ATG3: variants seen among roughly 807,000 people sequenced by gnomAD.
The protein encoded by ATG3 is autophagy related 3, also known as ubiquitin-like-conjugating enzyme ATG3.
Under a neutral mutation model 50.7 loss-of-function variants are expected in ATG3, and 25 were observed. The observed-to-expected ratio is 0.49, with a 90% confidence interval of 0.36 to 0.69. ATG3 has a LOEUF of 0.69. ATG3 is among the 30% of genes least tolerant of loss of function. The pLI is 0.00. For missense variants in ATG3, 281 were observed against 376.0 expected, an observed-to-expected ratio of 0.75 and a Z score of 2.09; for synonymous variants, 119 against 125.5, an observed-to-expected ratio of 0.95 and a Z score of 0.34.
Position 112,536,471 on chromosome 3 carries a change from A to C in ATG3, c.794+4T>G. On this transcript the variant is annotated splice_donor_region_variant and intron_variant, in intron 10 of 11. Transcript: ENST00000283290. Reference sequence around the variant, plus strand: ...AAAATATATTTATCTCTACATATACAGACCTGCATGGGTGAACTGAACACA... The same window carrying C: ...AAAATATATTTATCTCTACATATACCGACCTGCATGGGTGAACTGAACACA... The C allele has an allele frequency of 6.2e-7, 1 of 1,612,754 alleles. No individual in the cohort carries two copies. Among genetic ancestry groups the C allele is most frequent in the East Asian group, 2.2e-5 (1 of 44,880 alleles).
chr3:112,561,867 C>T lies in ATG3; in HGVS notation c.-339G>A. The T allele has an allele frequency of 3.3e-6, 1 of 298,646 alleles. No homozygotes were observed. Among genetic ancestry groups the T allele is most frequent in the Non-Finnish European group, 6.3e-6 (1 of 159,506 alleles). 18.5% of individuals were successfully genotyped at this position (298,646 alleles called of 1,614,324 possible). A position where few individuals can be genotyped will look rare whatever the true frequency, so the allele number is the denominator to read the frequency against. On this transcript the variant is annotated 5_prime_UTR_variant, in exon 1 of 12. Transcript: ENST00000283290. ...GCACCCCTCGCCCTCTGCGAGCTGT[C>T]TGTCCTCGCTTTGCTTCACTCGCGC...
chr3:112,552,253 T>C (rs1024023158), intron 3 of ATG3, among the ~76,000 whole-genome samples: 4 of 152,174 alleles, frequency 2.6e-5, no homozygotes, highest in South Asian at 2.1e-4. Context: ...TCTGCCAATA[T>C]TGGGATCATT....
In ATG3 at chr3:112,534,253, A is replaced by G; in HGVS notation, c.863+16T>C. The G allele has an allele frequency of 2.5e-6, 4 of 1,597,462 alleles. No homozygotes were observed. The highest frequency in any genetic ancestry group is 2.6e-6 in the Non-Finnish European group (3 of 1,172,976). On this transcript the variant is annotated intron_variant, in intron 11 of 11. Coordinates refer to ENST00000283290, the MANE Select transcript of ATG3 (RefSeq NM_022488.5). ...ACAGCCATTTTGCCACTAATCTTAC[A>G]TACAGGGAAGGATACATATGAACTC...
intron 10 of ATG3, 154 bp downstream of exon 10, chr3:112,536,321 C>G (rs1183818249): frequency 2.4e-6 from 2 of 827,934 alleles, no homozygotes; most frequent in Non-Finnish European, 3.6e-6. Flanking sequence ...TATATTTAAG[C>G]ACAAGAAAAT....
intron 1 of ATG3, among the ~76,000 whole-genome samples, chr3:112,560,029 A>G (rs570610500): frequency 6.6e-6 from 1 of 152,166 alleles, no homozygotes. Context: ...TTTCCTTTTT[A>G]CTAAAGACAT....
In ATG3 at chr3:112,544,042, C is replaced by T. The variant is rs778898831; in HGVS notation, c.393+15G>A. 1 of 1,555,956 alleles carries T rather than the reference C, an allele frequency of 6.4e-7. No homozygotes were observed. Among genetic ancestry groups the T allele is most frequent in the Non-Finnish European group, 8.9e-7 (1 of 1,129,524 alleles). ...CTACTCATTAAATTTAAAAATATAACTAATTAACCAGTACCTTATTTTCCA... is the reference window on the plus strand; with the variant it reads ...CTACTCATTAAATTTAAAAATATAATTAATTAACCAGTACCTTATTTTCCA... On this transcript the variant is annotated intron_variant, in intron 6 of 11. Transcript: ENST00000283290.
chr3:112,550,285 C>T, intron 3 of ATG3, 23 bp from the exon 4 acceptor site: 1 of 1,557,688 alleles, frequency 6.4e-7, no homozygotes, highest in South Asian at 1.1e-5. Context: ...TGAAAAGCAC[C>T]AAAATACAAA....
intron 2 of ATG3, among the ~76,000 whole-genome samples, chr3:112,557,582 T>C (rs537165358): frequency 5.8e-4 from 88 of 152,116 alleles, no homozygotes; most frequent in African/African-American, 2.0e-3. Flanking sequence ...CGCGCCACTG[T>C]GCTCCAGCCT....
intron 3 of ATG3, among the ~76,000 whole-genome samples, chr3:112,552,020 GTATTAAAA>G (rs1280075983): frequency 6.6e-6 from 1 of 152,146 alleles, no homozygotes; most frequent in Non-Finnish European, 1.5e-5. Flanking sequence ...GACACGGTAA[GTATTAAAA>G]TGCAGGAGAA....
chr3:112,548,755 A>G, intron 4 of ATG3, 115 bp from the exon 5 acceptor site: 1 of 788,774 alleles, frequency 1.3e-6, no homozygotes, highest in Non-Finnish European at 2.1e-6. Flanking sequence ...CAAAGTACTA[A>G]GTGAATATTT....
Position 112,561,503 on chromosome 3 carries a change from T to C in ATG3, c.26A>G (p.Lys9Arg). MQNVINTV[K>R]GKALEVAEYL... The stretch of plus-strand genomic sequence containing the variant: ...CTCAGCCACTTCCAGTGCCTTTCCC[T>C]TCACAGTATTAATCACATTCTGCAT... The change falls in exon 1 of 12, where the codon AAG (lysine) becomes AGG (arginine). Residue 9 changes from lysine to arginine, a missense_variant. This residue lies in a region of ATG3 where 22 missense variants were observed against 22.7 expected (regional missense o/e 0.97). Coordinates refer to ENST00000283290, the MANE Select transcript of ATG3 (RefSeq NM_022488.5). The C allele has an allele frequency of 6.2e-7, 1 of 1,612,556 alleles. No individual in the cohort carries two copies.
intron 6 of ATG3, among the ~76,000 whole-genome samples, chr3:112,542,703 T>A (rs1019767946): frequency 5.9e-5 from 9 of 152,076 alleles, no homozygotes; most frequent in Non-Finnish European, 1.3e-4. Flanking sequence ...AAAAGTTTCA[T>A]CATATTGGTG....
In ATG3 at chr3:112,558,086, A is replaced by G. The variant is rs1576730041; in HGVS notation, c.114+290T>C. On this transcript the variant is annotated intron_variant, in intron 2 of 11. Coordinates refer to ENST00000283290, the MANE Select transcript of ATG3 (RefSeq NM_022488.5). ...CAGAGCTTACTGCACAGCTCAATATAACACCAATACAAGTCAAGGATAAGT... is the reference window on the plus strand; with the variant it reads ...CAGAGCTTACTGCACAGCTCAATATGACACCAATACAAGTCAAGGATAAGT... 1.4e-5 allele frequency: 5 copies of G among 355,128 alleles called. No individual in the cohort carries two copies. The East Asian group carries it at 2.8e-4, about 20-fold the overall frequency. The allele number at this position is 355,128 out of a possible 1,614,324, so 22.0% of individuals were successfully genotyped here.
intron 10 of ATG3, chr3:112,535,725 AAAC>A (rs1396703051): frequency 6.6e-6 from 1 of 152,222 alleles, no homozygotes; most frequent in Non-Finnish European, 1.5e-5. Flanking sequence ...AGGGAAGAGA[AAAC>A]AAAATGTTTC....
chr3:112,547,695 A>G (rs1337993369), intron 5 of ATG3, among the ~76,000 whole-genome samples: 1 of 152,248 alleles, frequency 6.6e-6, no homozygotes, highest in Non-Finnish European at 1.5e-5. Context: ...CAACTCATTT[A>G]ACAAATATTT....
intron 2 of ATG3, among the ~76,000 whole-genome samples, chr3:112,553,605 T>C (rs1453369828): frequency 2.0e-5 from 3 of 152,216 alleles, no homozygotes; most frequent in African/African-American, 4.8e-5. Context: ...GTTTTTATAA[T>C]TGGATTAAGT....
intron 7 of ATG3, 115 bp downstream of exon 7, chr3:112,541,688 C>T: frequency 1.2e-6 from 1 of 851,512 alleles, no homozygotes; most frequent in Non-Finnish European, 1.9e-6. Flanking sequence ...AAAACACTCA[C>T]TAGGCTGCTA....
chr3:112,547,548 G>C (rs1933401826), intron 5 of ATG3, among the ~76,000 whole-genome samples: 1 of 152,202 alleles, frequency 6.6e-6, no homozygotes, highest in Non-Finnish European at 1.5e-5. Context: ...ATGGTAGTTA[G>C]CTTCAGCAGC....
chr3:112,556,900 G>A (rs1371052734), intron 2 of ATG3, among the ~76,000 whole-genome samples: 2 of 151,976 alleles, frequency 1.3e-5, no homozygotes, highest in African/African-American at 2.4e-5. Context: ...GAAGGCCACA[G>A]GGTCCTCTGC....
Sources: gnomAD v4.1 joint callset for allele counts (sites outside exome capture counted in the v4.1 genomes callset) on GRCh38, gnomAD v4.1.1 for gene constraint, gnomAD v4.1.1 regional missense constraint, MANE v1.5 for transcripts, NCBI Gene and HGNC (gene_info 2026-07-23, HGNC 2026-07-21) for gene names.